ROBO1: variants seen among roughly 807,000 people sequenced by gnomAD.
ROBO1 encodes roundabout homolog 1.
Under a neutral mutation model 195.9 loss-of-function variants are expected in ROBO1, and 149 were observed. The ratio of observed to expected loss-of-function variants is 0.76; its 90% CI spans 0.67 to 0.87. The LOEUF is 0.87. Ranked by LOEUF, ROBO1 falls within the 40% of genes least tolerant of loss-of-function variation. The pLI is 0.00. For missense variants in ROBO1, 1,933 were observed against 2,068.3 expected, an observed-to-expected ratio of 0.93 and a Z score of 1.27; for synonymous variants, 816 against 733.2, an observed-to-expected ratio of 1.11 and a Z score of -1.82.
At chr3:78,718,016 A>T in intron 5 of ROBO1, 133 bp from the exon 6 acceptor site, 1 of 823,238 alleles carries the variant, frequency 1.2e-6, no homozygotes, top group Non-Finnish European at 1.9e-6. Flanking sequence ...GCTGATATGT[A>T]GTATTTGCTA....
intron 2 of ROBO1, among the ~76,000 whole-genome samples, chr3:79,249,458 G>A (rs962084986): frequency 2.6e-5 from 4 of 152,088 alleles, no homozygotes; most frequent in African/African-American, 4.8e-5. Context: ...GTTTGGATGC[G>A]TTGCTGGATC....
At chr3:78,999,698 A>T (rs1187448896) in intron 3 of ROBO1, among the ~76,000 whole-genome samples, 1 of 152,142 alleles carries the variant, frequency 6.6e-6, no homozygotes, top group African/African-American at 2.4e-5. Context: ...ATCTAAAATA[A>T]AAGTTGAACA....
chr3:79,245,981 T>C (rs1026034829), intron 2 of ROBO1, among the ~76,000 whole-genome samples: 2 of 152,072 alleles, frequency 1.3e-5, no homozygotes, highest in African/African-American at 4.8e-5. Context: ...TGGTCCCAAG[T>C]CAAGTGTGAC....
intron 3 of ROBO1, among the ~76,000 whole-genome samples, chr3:78,944,328 T>G (rs1470331398): frequency 6.6e-6 from 1 of 152,240 alleles, no homozygotes; most frequent in Non-Finnish European, 1.5e-5. Context: ...TGCTTACTTT[T>G]AAAATATAGA....
At chr3:78,789,174 C>T (rs536729698) in intron 4 of ROBO1, among the ~76,000 whole-genome samples, 1 of 152,212 alleles carries the variant, frequency 6.6e-6, no homozygotes, top group Non-Finnish European at 1.5e-5. Context: ...TAAAATTCAA[C>T]AAGTCATCAC....
At chr3:78,753,911 TATAA>T (rs1455396169) in intron 4 of ROBO1, among the ~76,000 whole-genome samples, 1 of 152,232 alleles carries the variant, frequency 6.6e-6, no homozygotes, top group Non-Finnish European at 1.5e-5. Flanking sequence ...TAAAATAACC[TATAA>T]ATGATAGATT....
intron 2 of ROBO1, among the ~76,000 whole-genome samples, chr3:79,443,440 A>G (rs1057464309): frequency 1.3e-5 from 2 of 152,236 alleles, no homozygotes; most frequent in African/African-American, 4.8e-5. Flanking sequence ...CAAAATATTT[A>G]GAATTACATA....
intron 4 of ROBO1, among the ~76,000 whole-genome samples, chr3:78,786,933 C>T (rs1256631476): frequency 1.3e-5 from 2 of 152,160 alleles, no homozygotes; most frequent in African/African-American, 4.8e-5. Context: ...CTCAAAATGA[C>T]AGTTAATGAG....
chr3:79,026,088 C>A (rs908263776), intron 3 of ROBO1, among the ~76,000 whole-genome samples: 1 of 152,078 alleles, frequency 6.6e-6, no homozygotes, highest in South Asian at 2.1e-4. Context: ...ATATGTTTTA[C>A]ATATTGCTGA....
At chr3:79,374,501 TA>T (rs1265476927) in intron 2 of ROBO1, among the ~76,000 whole-genome samples, 1 of 152,164 alleles carries the variant, frequency 6.6e-6, no homozygotes, top group Non-Finnish European at 1.5e-5. Context: ...GAAAAACTGA[TA>T]TCTGTTTTTT....
intron 2 of ROBO1, among the ~76,000 whole-genome samples, chr3:79,359,353 A>AT (rs2109298621): frequency 6.6e-6 from 1 of 152,200 alleles, no homozygotes; most frequent in South Asian, 2.1e-4. Context: ...AACTGGCTAA[A>AT]TTCTGGACAA....
At chr3:79,549,512 T>C (rs1247803453) in intron 2 of ROBO1, among the ~76,000 whole-genome samples, 1 of 152,184 alleles carries the variant, frequency 6.6e-6, no homozygotes, top group African/African-American at 2.4e-5. Context: ...TAATTGTGCC[T>C]GTATTAAACA....
chr3:78,747,900 T>G (rs536099397), intron 4 of ROBO1, among the ~76,000 whole-genome samples: 4 of 152,290 alleles, frequency 2.6e-5, no homozygotes, highest in African/African-American at 9.6e-5. Flanking sequence ...ACAACTCTGT[T>G]GTATACTAGA....
chr3:79,314,954 C>A (rs1438515956), intron 2 of ROBO1, among the ~76,000 whole-genome samples: 1 of 152,076 alleles, frequency 6.6e-6, no homozygotes, highest in African/African-American at 2.4e-5. Flanking sequence ...TTGGAGAGTG[C>A]AGTTTTAGAG....
rs149027984 is a variant in ROBO1, at chr3:78,740,740, T to A, written c.657+6003A>T. Among the ~76,000 whole-genome samples, 7 of 152,294 alleles carry A rather than the reference T, an allele frequency of 4.6e-5. No individual in the cohort carries two copies. In the East Asian group the frequency reaches 1.2e-3, roughly 25 times the overall value. On this transcript the variant is annotated intron_variant, in intron 5 of 30. Transcript: ENST00000464233. ...TGCCTGCCTTGGCCTCCCAAAGAGC[T>A]GGGATTACATGCATGAGCCACCGCG...
intron 2 of ROBO1, among the ~76,000 whole-genome samples, chr3:79,423,117 G>T (rs2038299710): frequency 6.6e-6 from 1 of 152,064 alleles, no homozygotes; most frequent in Non-Finnish European, 1.5e-5. Flanking sequence ...ATGTTAAAAA[G>T]ACAGCAACTA....
chr3:79,645,131 CCA>C (rs1945780771), intron 1 of ROBO1, among the ~76,000 whole-genome samples: 1 of 151,974 alleles, frequency 6.6e-6, no homozygotes, highest in Admixed American at 6.6e-5. Context: ...AATGAACAAC[CCA>C]ATGATGTACC....
intron 3 of ROBO1, among the ~76,000 whole-genome samples, chr3:79,037,720 C>A (rs1001986703): frequency 6.6e-6 from 1 of 152,052 alleles, no homozygotes; most frequent in Non-Finnish European, 1.5e-5. Context: ...TGATTCTATT[C>A]TAAAAAAGTC....
intron 2 of ROBO1, among the ~76,000 whole-genome samples, chr3:79,585,221 A>G (rs1943791803): frequency 6.6e-6 from 1 of 151,982 alleles, no homozygotes; most frequent in Non-Finnish European, 1.5e-5. Context: ...GAATATTTGC[A>G]TAATTAACAT....
Sources: allele counts gnomAD v4.1 joint callset (sites outside exome capture counted in the v4.1 genomes callset), GRCh38; gene constraint gnomAD v4.1.1; transcripts MANE v1.5; gene names NCBI Gene and HGNC (gene_info 2026-07-23, HGNC 2026-07-21).